Variants in CRACD observed in about 807,000 individuals in gnomAD.
CRACD encodes the protein capping protein inhibiting regulator of actin dynamics.
A neutral mutation model predicts 106.8 loss-of-function variants in CRACD; 56 were observed. The observed-to-expected ratio is 0.52, with a 90% CI of 0.42 to 0.66. CRACD has a LOEUF of 0.66. CRACD is among the 30% of genes least tolerant of loss of function. CRACD has a pLI of 0.00. For missense variants in CRACD, 1,730 were observed against 1,623.2 expected, an observed-to-expected ratio of 1.07 and a Z score of -1.13; for synonymous variants, 754 against 670.8, an observed-to-expected ratio of 1.12 and a Z score of -1.92.
intron 1 of CRACD, among the ~76,000 whole-genome samples, chr4:56,106,214 C>G (rs750529196): frequency 6.6e-6 from 1 of 152,168 alleles, no homozygotes; most frequent in Admixed American, 6.6e-5. Context: ...TCTTTATAAT[C>G]TGATTTGTCC....
Position 56,225,267 on chromosome 4 carries a change from T to C in CRACD, c.-189+45837T>C, listed in dbSNP as rs553442007. ...CCACCATGCCTGGCTAATTTTTTTG[T>C]AGTTTTAGTAGAGACAGGGTTTCAC... On this transcript the variant is annotated intron_variant, in intron 2 of 10. Coordinates refer to ENST00000682029, the MANE Select transcript of CRACD (RefSeq NM_001393381.1). 7.2e-5 allele frequency among the ~76,000 whole-genome samples: 11 copies of C among 152,222 alleles called. No homozygotes were observed. In the South Asian group the frequency reaches 2.3e-3, roughly 32 times the overall value.
chr4:56,254,214 T>G (rs78758205), intron 2 of CRACD, among the ~76,000 whole-genome samples: 3,911 of 152,202 alleles, frequency 0.026, 153 homozygotes, highest in African/African-American at 0.085. Context: ...GGCTGTTTCA[T>G]CTACATGTAG....
At chr4:56,159,361 A>G (rs1414970352) in intron 1 of CRACD, among the ~76,000 whole-genome samples, 3 of 152,178 alleles carry the variant, frequency 2.0e-5, no homozygotes, top group Non-Finnish European at 2.9e-5. Context: ...TGCTAAACCA[A>G]TAGTCTCAGC....
intron 2 of CRACD, among the ~76,000 whole-genome samples, chr4:56,248,726 TC>T (rs1392402694): frequency 2.7e-5 from 2 of 72,924 alleles, no homozygotes; most frequent in African/African-American, 1.1e-4. Context: ...CCCTCCCCCC[TC>T]CCCCCACCCC....
In CRACD at chr4:56,320,154, AAAAC is replaced by A. The variant is rs898753440; in HGVS notation, c.3188-3218_3188-3215del. Among the ~76,000 whole-genome samples the A allele has an allele frequency of 1.1e-4, 16 of 152,004 alleles. No individual in the cohort carries two copies. The East Asian group carries it at 2.7e-3, about 26-fold the overall frequency. On this transcript the variant is annotated intron_variant, in intron 8 of 10. Coordinates refer to ENST00000682029, the MANE Select transcript of CRACD (RefSeq NM_001393381.1). ...GCACTGACTCCAGCCTCAAAAAAAAAAAACAAACCTTTCATTACACCTAGCATCT... is the reference window on the plus strand; with the variant it reads ...GCACTGACTCCAGCCTCAAAAAAAAAAAACCTTTCATTACACCTAGCATCT...
chr4:56,051,662 C>G (rs1330363345), intron 1 of CRACD, among the ~76,000 whole-genome samples: 1 of 152,142 alleles, frequency 6.6e-6, no homozygotes, highest in African/African-American at 2.4e-5. Context: ...AATCACACAA[C>G]CTTCTCCAAG....
At chr4:56,207,126 C>CA (rs1738160847) in intron 2 of CRACD, among the ~76,000 whole-genome samples, 1 of 152,070 alleles carries the variant, frequency 6.6e-6, no homozygotes, top group Non-Finnish European at 1.5e-5. Flanking sequence ...GAAACAAAAA[C>CA]AAAAACCAGC....
At position 56,059,488 on chromosome 4, in the gene CRACD, G is replaced by T. The variant is rs148130268; in HGVS notation, c.-336+10189G>T. Among the ~76,000 whole-genome samples, 385 of 152,172 alleles carry T rather than the reference G, an allele frequency of 2.5e-3. 2 individuals are homozygous for T. The highest frequency in any genetic ancestry group is 8.1e-3 in the African/African-American group (335 of 41,522). Reference sequence around the variant, plus strand: ...TAGACCTTGTCTCAAAAAAAGAAAAGAAAATTTCCATTTCCATCCACATTC... The same window carrying T: ...TAGACCTTGTCTCAAAAAAAGAAAATAAAATTTCCATTTCCATCCACATTC... On this transcript the variant is annotated intron_variant, in intron 1 of 10. Coordinates refer to ENST00000682029, the MANE Select transcript of CRACD (RefSeq NM_001393381.1).
chr4:56,189,996 A>G (rs199637144), intron 2 of CRACD, among the ~76,000 whole-genome samples: 1,907 of 100,090 alleles, frequency 0.019, 44 homozygotes, highest in African/African-American at 0.063. Flanking sequence ...CAGTCCCCAG[A>G]GTGTGATGTT....
intron 2 of CRACD, among the ~76,000 whole-genome samples, chr4:56,228,556 G>A (rs188768919): frequency 2.7e-5 from 4 of 148,668 alleles, no homozygotes; most frequent in Admixed American, 6.8e-5. Flanking sequence ...GATCGCTGGA[G>A]CCCAGGAGTT....
intron 2 of CRACD, among the ~76,000 whole-genome samples, chr4:56,231,980 C>G (rs906191552): frequency 2.6e-5 from 4 of 152,100 alleles, no homozygotes; most frequent in African/African-American, 9.7e-5. Flanking sequence ...TAAGGATGTA[C>G]AAAAAATATT....
chr4:56,110,691 C>T lies in CRACD; in HGVS notation c.-336+61392C>T, dbSNP rs113095860. Among the ~76,000 whole-genome samples the T allele has an allele frequency of 4.6e-3, 707 of 152,090 alleles. 9 individuals are homozygous for T. Among genetic ancestry groups the T allele is most frequent in the African/African-American group, 0.016 (668 of 41,476 alleles). On this transcript the variant is annotated intron_variant, in intron 1 of 10. Coordinates refer to ENST00000682029, the MANE Select transcript of CRACD (RefSeq NM_001393381.1). ...GGCTCACTGGTACCTCCGTTTCCCA[C>T]GTTCAAATGATTCTTGTGCCTCAGC...
intron 1 of CRACD, among the ~76,000 whole-genome samples, chr4:56,166,062 T>C (rs1736130681): frequency 6.6e-6 from 1 of 152,150 alleles, no homozygotes; most frequent in South Asian, 2.1e-4. Context: ...TGGGTTTTTT[T>C]CTATGTTTCC....
At chr4:56,168,849 A>T (rs1358966677) in intron 1 of CRACD, among the ~76,000 whole-genome samples, 2 of 152,150 alleles carry the variant, frequency 1.3e-5, no homozygotes, top group Non-Finnish European at 2.9e-5. Context: ...TTCCCCCATC[A>T]TACTACTGCT....
chr4:56,295,560 GA>G (rs924530141), intron 3 of CRACD, among the ~76,000 whole-genome samples: 6 of 151,288 alleles, frequency 4.0e-5, no homozygotes, highest in Admixed American at 1.3e-4. Context: ...AAATCAGGGG[GA>G]TAGACTTCAT....
chr4:56,143,970 A>G (rs924994210), intron 1 of CRACD, among the ~76,000 whole-genome samples: 1 of 152,132 alleles, frequency 6.6e-6, no homozygotes, highest in Admixed American at 6.6e-5. Flanking sequence ...GGCGTGTGGG[A>G]AAAAATAAGA....
Position 56,324,236 on chromosome 4 carries a change from A to C in CRACD, c.3511A>C (p.Lys1171Gln). ...SRLERREQLK[K>Q]ANTLPTSVTV... ...GCTTGAGCGCAGAGAACAGCTGAAA[A>C]AGGCCAATACTCTTCCTACGTCTGT... Residue 1171 changes from lysine (K) to glutamine (Q), a missense_variant, in exon 10 of 11, where the codon AAG becomes CAG. Coordinates refer to ENST00000682029, the MANE Select transcript of CRACD (RefSeq NM_001393381.1). 3 of 1,614,124 alleles carry C rather than the reference A, an allele frequency of 1.9e-6. No homozygotes were observed. Among genetic ancestry groups the C allele is most frequent in the Non-Finnish European group, 2.5e-6 (3 of 1,179,962 alleles).
chr4:56,074,086 G>A (rs1732754629), intron 1 of CRACD, among the ~76,000 whole-genome samples: 1 of 151,488 alleles, frequency 6.6e-6, no homozygotes, highest in South Asian at 2.1e-4. Flanking sequence ...ATATACTGTA[G>A]TCTTGTAGTA....
chr4:56,290,515 A>G (rs555506117), intron 3 of CRACD, among the ~76,000 whole-genome samples: 1 of 152,310 alleles, frequency 6.6e-6, no homozygotes, highest in South Asian at 2.1e-4. Flanking sequence ...AAGCCAGAAG[A>G]GCAACCTCAG....
Sources: gnomAD v4.1 joint callset for allele counts (sites outside exome capture counted in the v4.1 genomes callset) on GRCh38, gnomAD v4.1.1 for gene constraint, MANE v1.5 for transcripts, NCBI Gene and HGNC (gene_info 2026-07-23, HGNC 2026-07-21) for gene names.